The following LMBRD1 variants were observed in gnomAD, a reference collection of about 807,000 sequenced individuals.
The protein encoded by LMBRD1 is LMBR1 domain containing 1, also known as lysosomal cobalamin transport escort protein LMBD1.
Under a neutral mutation model 74.8 loss-of-function variants are expected in LMBRD1, and 64 were observed. The observed-to-expected ratio is 0.86, with a 90% CI of 0.70 to 1.05. The LOEUF is 1.05. Among genes scored for constraint, LMBRD1 ranks in the 50% least tolerant of loss-of-function variants. The pLI is 0.00. For missense variants in LMBRD1, 652 were observed against 645.9 expected (o/e 1.01, Z -0.10); for synonymous variants, 204 against 216.3 (o/e 0.94, Z 0.50).
chr6:69,764,329 C>T (rs991798405), intron 3 of LMBRD1, among the ~76,000 whole-genome samples: 1 of 128,604 alleles, frequency 7.8e-6, no homozygotes, highest in Non-Finnish European at 1.8e-5. Flanking sequence ...AGATCGTTAC[C>T]TCACTCTCTC....
intron 4 of LMBRD1, among the ~76,000 whole-genome samples, chr6:69,751,675 T>G (rs1220847184): frequency 4.6e-5 from 7 of 152,222 alleles, no homozygotes; most frequent in Non-Finnish European, 1.5e-5. Context: ...AACCTACAAG[T>G]GCTCCTTCTT....
At chr6:69,726,868 A>G (rs564929030) in intron 7 of LMBRD1, among the ~76,000 whole-genome samples, 8 of 152,180 alleles carry the variant, frequency 5.3e-5, no homozygotes, top group Non-Finnish European at 1.0e-4. Context: ...ATTTTAAAAT[A>G]ACTGGCTGGG....
intron 14 of LMBRD1, among the ~76,000 whole-genome samples, chr6:69,677,973 A>T (rs961089052): frequency 6.6e-6 from 1 of 152,150 alleles, no homozygotes. Flanking sequence ...AGCCATTCAG[A>T]GAGGCCTGTG....
intron 7 of LMBRD1, among the ~76,000 whole-genome samples, chr6:69,726,777 CAAA>C (rs34775384): frequency 1.4e-4 from 15 of 109,684 alleles, no homozygotes; most frequent in Non-Finnish European, 1.2e-4. Context: ...TTACTAGGTA[CAAA>C]AAAAAAAAAA....
At chr6:69,691,145 C>CTTTTTTT (rs1562085272) in intron 14 of LMBRD1, among the ~76,000 whole-genome samples, 2 of 44,810 alleles carry the variant, frequency 4.5e-5, no homozygotes, top group Non-Finnish European at 2.2e-4. Context: ...CGGCCTCTCT[C>CTTTTTTT]TCTCTTTTTT....
intron 7 of LMBRD1, among the ~76,000 whole-genome samples, chr6:69,736,432 C>T (rs1195780594): frequency 1.3e-5 from 2 of 152,040 alleles, no homozygotes; most frequent in Admixed American, 6.5e-5. Context: ...ACTGGGACTC[C>T]GGGAACCAAC....
At chr6:69,749,225 G>A (rs1765062171) in intron 5 of LMBRD1, 116 bp downstream of exon 5, 1 of 802,490 alleles carries the variant, frequency 1.2e-6, no homozygotes. Flanking sequence ...AGAGTGGATT[G>A]TTCTTTTTTC....
Position 69,697,459 on chromosome 6 carries a change from T to C in LMBRD1, c.1417+104A>G, listed in dbSNP as rs111626706. Reference sequence around the variant, plus strand: ...CAACCTCTACTTGCTAAAAGTTTCCTTCTTACCACGTAGTAAAACAAATGC... The same window carrying C: ...CAACCTCTACTTGCTAAAAGTTTCCCTCTTACCACGTAGTAAAACAAATGC... On this transcript the variant is annotated intron_variant, in intron 14 of 15. Coordinates refer to ENST00000649934, the MANE Select transcript of LMBRD1 (RefSeq NM_018368.4). 18 of 813,934 alleles carry C rather than the reference T, an allele frequency of 2.2e-5. No homozygotes were observed. The African/African-American group carries it at 3.0e-4, about 14-fold the overall frequency. The allele number at this position is 813,934 out of a possible 1,614,324, so 50.4% of individuals were successfully genotyped here. A position where few individuals can be genotyped will look rare whatever the true frequency, so the allele number is the denominator to read the frequency against.
chr6:69,764,833 T>C (rs1417515396), intron 3 of LMBRD1, among the ~76,000 whole-genome samples: 1 of 152,196 alleles, frequency 6.6e-6, no homozygotes, highest in Admixed American at 6.5e-5. Context: ...GTATAACTTA[T>C]TAAGGTTTCT....
intron 2 of LMBRD1, among the ~76,000 whole-genome samples, 170 bp downstream of exon 2, chr6:69,790,126 G>T (rs769579836): frequency 1.3e-5 from 2 of 152,328 alleles, no homozygotes; most frequent in Middle Eastern, 3.4e-3. Context: ...TATGTCAGTT[G>T]TAAGTCTGCT....
chr6:69,748,504 G>A (rs936406846), intron 5 of LMBRD1, among the ~76,000 whole-genome samples: 1 of 151,908 alleles, frequency 6.6e-6, no homozygotes, highest in African/African-American at 2.4e-5. Context: ...AGAACTCCTG[G>A]AACTACAAAA....
In LMBRD1 at chr6:69,676,550, G is replaced by T; in HGVS notation, c.1418-9C>A. 6.3e-7 allele frequency: 1 copy of T among 1,590,472 alleles called. No homozygotes were observed. Among genetic ancestry groups the T allele is most frequent in the Non-Finnish European group, 8.6e-7 (1 of 1,158,994 alleles). ...GGTAACAGTACACTGATCTGTGAAA[G>T]CAAATAAAAGACTATGGTGAGATAG... On this transcript the variant is annotated splice_polypyrimidine_tract_variant and intron_variant, in intron 14 of 15. Coordinates refer to ENST00000649934, the MANE Select transcript of LMBRD1 (RefSeq NM_018368.4).
At chr6:69,687,380 C>T (rs1765787588) in intron 14 of LMBRD1, among the ~76,000 whole-genome samples, 1 of 152,112 alleles carries the variant, frequency 6.6e-6, no homozygotes, top group Admixed American at 6.6e-5. Flanking sequence ...ATTTGTCTGT[C>T]CCCTTATATT....
At chr6:69,717,287 C>A (rs939903584) in intron 8 of LMBRD1, among the ~76,000 whole-genome samples, 1 of 151,934 alleles carries the variant, frequency 6.6e-6, no homozygotes, top group Non-Finnish European at 1.5e-5. Flanking sequence ...TTTCCTTTTT[C>A]CCCCTCCTCT....
intron 14 of LMBRD1, among the ~76,000 whole-genome samples, chr6:69,685,385 T>C (rs959521740): frequency 1.3e-5 from 2 of 152,176 alleles, no homozygotes; most frequent in Non-Finnish European, 2.9e-5. Flanking sequence ...TCAGATGATG[T>C]GAGGGGAGCA....
intron 7 of LMBRD1, among the ~76,000 whole-genome samples, chr6:69,729,200 G>A (rs1392406876): frequency 1.4e-5 from 2 of 143,650 alleles, no homozygotes; most frequent in Non-Finnish European, 3.0e-5. Context: ...TCCATGTAGT[G>A]CCCTCATCTA....
At chr6:69,726,353 T>C (rs180854861) in intron 7 of LMBRD1, among the ~76,000 whole-genome samples, 21 of 152,352 alleles carry the variant, frequency 1.4e-4, no homozygotes, top group South Asian at 2.1e-4. Flanking sequence ...AGCTACTATA[T>C]GATCTAGCAA....
At chr6:69,685,890 G>A (rs1254424825) in intron 14 of LMBRD1, among the ~76,000 whole-genome samples, 1 of 152,124 alleles carries the variant, frequency 6.6e-6, no homozygotes, top group Non-Finnish European at 1.5e-5. Context: ...GCGAAAGTTT[G>A]ATAACCTTTC....
intron 7 of LMBRD1, among the ~76,000 whole-genome samples, chr6:69,719,645 T>C (rs1182098909): frequency 6.6e-6 from 1 of 152,214 alleles, no homozygotes; most frequent in Non-Finnish European, 1.5e-5. Flanking sequence ...TGTTATTATA[T>C]ATACTACCCA....
Sources: gnomAD v4.1 joint callset for allele counts (sites outside exome capture counted in the v4.1 genomes callset) on GRCh38, gnomAD v4.1.1 for gene constraint, MANE v1.5 for transcripts, NCBI Gene and HGNC (gene_info 2026-07-23, HGNC 2026-07-21) for gene names.